The following SPAG16 variants were observed in gnomAD, a reference collection of about 807,000 sequenced individuals.
SPAG16 encodes the protein sperm-associated antigen 16 protein.
SPAG16 carries 86 observed loss-of-function variants against 80.4 expected under a neutral mutation model. The ratio of observed to expected loss-of-function variants is 1.07; its 90% CI spans 0.90 to 1.28. SPAG16 has a LOEUF of 1.28. SPAG16 is among the 50% of genes most tolerant of loss of function. SPAG16 has a pLI of 0.00. For synonymous variants in SPAG16, 294 were observed against 265.9 expected, an observed-to-expected ratio of 1.11 and a Z score of -1.03; for missense variants, 870 against 765.3, an observed-to-expected ratio of 1.14 and a Z score of -1.61.
In SPAG16 at chr2:213,632,037, G is replaced by A. The variant is rs141114188; in HGVS notation, c.1070+141947G>A. Among the ~76,000 whole-genome samples, 883 of 152,044 alleles carry A rather than the reference G, an allele frequency of 5.8e-3. 8 individuals are homozygous for A. Among genetic ancestry groups the A allele is most frequent in the Non-Finnish European group, 7.3e-3 (499 of 67,926 alleles). ...TGTGAAGAATGTAATTGGTATTTTC[G>A]TAGGGATTGCATTGAATCTGTAGAT... On this transcript the variant is annotated intron_variant, in intron 10 of 15. Coordinates refer to ENST00000331683, the MANE Select transcript of SPAG16 (RefSeq NM_024532.5).
chr2:214,174,875 T>C (rs1020378605), intron 15 of SPAG16, among the ~76,000 whole-genome samples: 1 of 151,668 alleles, frequency 6.6e-6, no homozygotes, highest in Non-Finnish European at 1.5e-5. Context: ...AGGCCCTCAA[T>C]AAATAACCAC....
At chr2:213,315,848 C>A (rs2063379746) in intron 4 of SPAG16, among the ~76,000 whole-genome samples, 1 of 151,928 alleles carries the variant, frequency 6.6e-6, no homozygotes, top group African/African-American at 2.4e-5. Flanking sequence ...CTCTCAGATT[C>A]TCCCACTATT....
chr2:213,674,107 A>G (rs1160570142), intron 10 of SPAG16, among the ~76,000 whole-genome samples: 1 of 152,114 alleles, frequency 6.6e-6, no homozygotes, highest in Non-Finnish European at 1.5e-5. Context: ...AACAAATTTA[A>G]TTTGCTGTGT....
chr2:214,148,905 C>G (rs903842159), intron 14 of SPAG16, among the ~76,000 whole-genome samples: 1 of 151,478 alleles, frequency 6.6e-6, no homozygotes, highest in Non-Finnish European at 1.5e-5. Flanking sequence ...TTAAGAATAT[C>G]ATTTTAATAA....
At chr2:213,668,114 T>A (rs1490016073) in intron 10 of SPAG16, among the ~76,000 whole-genome samples, 1 of 152,034 alleles carries the variant, frequency 6.6e-6, no homozygotes, top group Non-Finnish European at 1.5e-5. Context: ...CTAATTTTTG[T>A]ATTTTTAGTA....
At chr2:213,332,395 T>C (rs1301114691) in intron 5 of SPAG16, among the ~76,000 whole-genome samples, 1 of 152,144 alleles carries the variant, frequency 6.6e-6, no homozygotes, top group Non-Finnish European at 1.5e-5. Flanking sequence ...AGCTGTAATA[T>C]GAAGTCTCCC....
chr2:213,384,704 G>T (rs957507249), intron 9 of SPAG16, among the ~76,000 whole-genome samples: 9 of 152,124 alleles, frequency 5.9e-5, no homozygotes, highest in Non-Finnish European at 1.5e-5. Flanking sequence ...GTGAAAACTG[G>T]CTAAGATCTG....
chr2:213,318,893 A>G (rs974581156), intron 5 of SPAG16, among the ~76,000 whole-genome samples: 5 of 152,104 alleles, frequency 3.3e-5, no homozygotes, highest in South Asian at 2.1e-4. Context: ...ACTGAAAGGA[A>G]ACCTTTGTTT....
intron 10 of SPAG16, among the ~76,000 whole-genome samples, chr2:213,861,211 G>A (rs1244547843): frequency 6.6e-6 from 1 of 152,158 alleles, no homozygotes. Context: ...TGCTGCTAAT[G>A]CTGAAGCCAG....
chr2:214,007,799 G>A (rs1277932880), intron 12 of SPAG16, among the ~76,000 whole-genome samples: 1 of 152,062 alleles, frequency 6.6e-6, no homozygotes, highest in Admixed American at 6.6e-5. Context: ...ATACTTAGGT[G>A]CATTCTTTCT....
intron 12 of SPAG16, among the ~76,000 whole-genome samples, chr2:213,976,387 A>G (rs914343976): frequency 6.6e-6 from 1 of 151,862 alleles, no homozygotes; most frequent in Admixed American, 6.6e-5. Context: ...GCAGATACAT[A>G]TAAATCTTCA....
chr2:213,495,244 T>C (rs2074429569), intron 10 of SPAG16, among the ~76,000 whole-genome samples: 1 of 152,218 alleles, frequency 6.6e-6, no homozygotes, highest in African/African-American at 2.4e-5. Flanking sequence ...GCAGTGCATA[T>C]CACTTCCAGA....
intron 10 of SPAG16, among the ~76,000 whole-genome samples, chr2:213,553,091 C>T (rs117533095): frequency 2.0e-5 from 3 of 152,108 alleles, no homozygotes; most frequent in African/African-American, 7.2e-5. Context: ...ACCTTGTGAT[C>T]GTGTGAGTCA....
intron 12 of SPAG16, among the ~76,000 whole-genome samples, chr2:213,945,124 G>T (rs973731009): frequency 2.0e-5 from 3 of 150,814 alleles, no homozygotes; most frequent in Admixed American, 6.6e-5. Context: ...TATTAGTCAG[G>T]GTACCTTAGA....
intron 12 of SPAG16, among the ~76,000 whole-genome samples, chr2:213,933,850 G>A (rs763575230): frequency 2.6e-5 from 4 of 152,192 alleles, no homozygotes; most frequent in African/African-American, 9.6e-5. Flanking sequence ...TTGCCTGGAA[G>A]CAACTATATT....
intron 10 of SPAG16, among the ~76,000 whole-genome samples, chr2:213,508,432 C>T (rs1230651393): frequency 2.0e-5 from 3 of 152,144 alleles, no homozygotes; most frequent in East Asian, 1.9e-4. Flanking sequence ...ATTAGCCGGG[C>T]GCGGTGGCGG....
At chr2:213,618,254 C>T (rs971518368) in intron 10 of SPAG16, among the ~76,000 whole-genome samples, 6 of 152,164 alleles carry the variant, frequency 3.9e-5, no homozygotes, top group African/African-American at 1.2e-4. Context: ...TATTTCCGCT[C>T]AAATGGCATT....
At chr2:213,644,373 G>T (rs1245048423) in intron 10 of SPAG16, among the ~76,000 whole-genome samples, 1 of 151,936 alleles carries the variant, frequency 6.6e-6, no homozygotes, top group East Asian at 1.9e-4. Context: ...TATTTGGTGA[G>T]GTCATGTTTT....
rs116423303 is a variant in SPAG16 at position 213,851,609 on chromosome 2, C to G, written c.1071-10876C>G. On this transcript the variant is annotated intron_variant, in intron 10 of 15. Transcript: ENST00000331683. The stretch of plus-strand genomic sequence containing the variant: ...TTGAGTATCTATTAGGTCTAAGTCA[C>G]TACATAAGGCCTTTCCCTGCATTTG... Among the ~76,000 whole-genome samples the G allele has an allele frequency of 2.2e-3, 328 of 152,298 alleles. 1 individual carries two copies. Among genetic ancestry groups the G allele is most frequent in the Admixed American group, 4.2e-3 (64 of 15,296 alleles).
Sources: gnomAD v4.1 joint callset for allele counts (sites outside exome capture counted in the v4.1 genomes callset) on GRCh38, gnomAD v4.1.1 for gene constraint, MANE v1.5 for transcripts, NCBI Gene and HGNC (gene_info 2026-07-23, HGNC 2026-07-21) for gene names.